Variants in PRKG1 observed in about 807,000 individuals in gnomAD.
PRKG1 encodes the protein cGMP-dependent protein kinase 1.
In PRKG1, 35 loss-of-function variants were observed where a neutral mutation model predicts 88.1. The observed-to-expected ratio is 0.40, with a 90% CI of 0.30 to 0.53. PRKG1 has a LOEUF of 0.53. Among genes scored for constraint, PRKG1 ranks in the 20% least tolerant of loss-of-function variants. The probability of loss-of-function intolerance (pLI) is 0.59; values close to 1 mark genes in which losing one functional copy is unlikely to be tolerated. For missense variants in PRKG1, 540 were observed against 839.8 expected, an observed-to-expected ratio of 0.64 and a Z score of 4.41; for synonymous variants, 303 against 292.5, an observed-to-expected ratio of 1.04 and a Z score of -0.37.
At position 51,945,781 on chromosome 10, in the gene PRKG1, G is replaced by T. The variant is rs1307504998; in HGVS notation, c.762+38211G>T. Among the ~76,000 whole-genome samples, 164 of 151,492 alleles carry T rather than the reference G, an allele frequency of 1.1e-3. 1 individual carries two copies. The highest frequency in any genetic ancestry group is 3.9e-3 in the African/African-American group (161 of 41,008). On this transcript the variant is annotated intron_variant, in intron 5 of 17. Coordinates refer to ENST00000373980, the MANE Select transcript of PRKG1 (RefSeq NM_006258.4). ...TTTTCTTTAAGAATGTTGAATATTG[G>T]CCCCCACTCTCTTCTGGCTTGTAGA...
intron 1 of PRKG1, among the ~76,000 whole-genome samples, chr10:51,112,492 C>T (rs1284256441): frequency 2.0e-5 from 3 of 152,068 alleles, no homozygotes; most frequent in African/African-American, 7.2e-5. Flanking sequence ...TTATCATCCT[C>T]ATGAATTTCT....
intron 9 of PRKG1, among the ~76,000 whole-genome samples, chr10:52,175,121 C>A (rs1377577849): frequency 3.3e-5 from 5 of 152,052 alleles, no homozygotes; most frequent in Non-Finnish European, 7.4e-5. Flanking sequence ...TTTAACAACT[C>A]TCCTTGTCCG....
intron 7 of PRKG1, among the ~76,000 whole-genome samples, chr10:52,095,461 ACCTCCTAACTGTGC>A (rs1381247849): frequency 6.6e-6 from 1 of 151,876 alleles, no homozygotes; most frequent in Admixed American, 6.6e-5. Flanking sequence ...GTTCATTTTC[ACCTCCTAACTGTGC>A]CCTCCCTGAA....
chr10:52,082,817 A>G (rs1846813167), intron 7 of PRKG1, among the ~76,000 whole-genome samples: 1 of 152,164 alleles, frequency 6.6e-6, no homozygotes, highest in South Asian at 2.1e-4. Context: ...GTAGGAACAT[A>G]TAGTATATTT....
chr10:51,746,408 C>G (rs1362473857), intron 3 of PRKG1, among the ~76,000 whole-genome samples: 1 of 152,072 alleles, frequency 6.6e-6, no homozygotes, highest in Non-Finnish European at 1.5e-5. Context: ...CTCAAGCTCT[C>G]CCTATACTCC....
intron 9 of PRKG1, among the ~76,000 whole-genome samples, chr10:52,226,828 G>T (rs1450865152): frequency 1.3e-5 from 2 of 152,072 alleles, no homozygotes; most frequent in Admixed American, 1.3e-4. Flanking sequence ...TGTGAATAGG[G>T]TCAACATGTC....
At chr10:51,846,569 C>A (rs936146020) in intron 4 of PRKG1, among the ~76,000 whole-genome samples, 5 of 152,244 alleles carry the variant, frequency 3.3e-5, no homozygotes, top group African/African-American at 9.6e-5. Flanking sequence ...CCTTTTTCTG[C>A]CACTATATTA....
chr10:51,123,874 A>C (rs1185792951), intron 1 of PRKG1, among the ~76,000 whole-genome samples: 1 of 152,036 alleles, frequency 6.6e-6, no homozygotes, highest in Non-Finnish European at 1.5e-5. Context: ...CACGTGGTGA[A>C]AGCAGGCGCG....
intron 9 of PRKG1, among the ~76,000 whole-genome samples, chr10:52,174,465 C>A (rs1488031191): frequency 6.6e-6 from 1 of 151,456 alleles, no homozygotes; most frequent in Non-Finnish European, 1.5e-5. Flanking sequence ...ACTTTATATG[C>A]CAATGAATAG....
intron 2 of PRKG1, among the ~76,000 whole-genome samples, chr10:51,215,396 C>G (rs1838345274): frequency 6.6e-6 from 1 of 152,046 alleles, no homozygotes; most frequent in African/African-American, 2.4e-5. Context: ...TTGTTAGAAA[C>G]AAAAAGGAAA....
intron 3 of PRKG1, among the ~76,000 whole-genome samples, chr10:51,662,150 A>T (rs1009243936): frequency 6.6e-6 from 1 of 152,156 alleles, no homozygotes; most frequent in Non-Finnish European, 1.5e-5. Context: ...TGGGTGCAGC[A>T]GAACAACATG....
intron 2 of PRKG1, among the ~76,000 whole-genome samples, chr10:51,415,224 T>G (rs1838204627): frequency 6.6e-6 from 1 of 152,224 alleles, no homozygotes; most frequent in African/African-American, 2.4e-5. Flanking sequence ...GCCAGGTCAA[T>G]GCTGAGAACT....
intron 3 of PRKG1, among the ~76,000 whole-genome samples, chr10:51,483,986 A>G (rs1225266794): frequency 6.6e-6 from 1 of 152,180 alleles, no homozygotes; most frequent in African/African-American, 2.4e-5. Flanking sequence ...GTGAAAGTGG[A>G]GGAGGAGTAG....
intron 3 of PRKG1, among the ~76,000 whole-genome samples, chr10:51,492,381 C>G (rs1036278234): frequency 6.6e-6 from 1 of 151,678 alleles, no homozygotes; most frequent in Admixed American, 6.6e-5. Flanking sequence ...TTTTAAAAGC[C>G]AAGGCTATTT....
At chr10:51,538,023 G>A (rs1842200392) in intron 3 of PRKG1, among the ~76,000 whole-genome samples, 1 of 152,102 alleles carries the variant, frequency 6.6e-6, no homozygotes. Flanking sequence ...CTCAATATCA[G>A]ACAGGTTAAA....
chr10:51,761,196 G>T (rs1344828765), intron 3 of PRKG1, among the ~76,000 whole-genome samples: 1 of 152,204 alleles, frequency 6.6e-6, no homozygotes, highest in Non-Finnish European at 1.5e-5. Context: ...ATGTTCCAGT[G>T]ATAATGATGA....
Position 52,068,000 on chromosome 10 carries a change from C to T in PRKG1, c.935+5369C>T, listed in dbSNP as rs1176016303. Among the ~76,000 whole-genome samples the T allele has an allele frequency of 7.4e-5, 8 of 107,412 alleles. 1 individual carries two copies. Among genetic ancestry groups the T allele is most frequent in the Admixed American group, 3.0e-4 (3 of 10,036 alleles). 70.5% of individuals were successfully genotyped at this position (107,412 alleles called of 152,430 possible). A position where few individuals can be genotyped will look rare whatever the true frequency, so the allele number is the denominator to read the frequency against. Reference sequence around the variant, plus strand: ...CGGGCGGATCACGAGGTCAGGAGATCGAGACCATCCTGGCTAACACGGTGA... The same window carrying T: ...CGGGCGGATCACGAGGTCAGGAGATTGAGACCATCCTGGCTAACACGGTGA... On this transcript the variant is annotated intron_variant, in intron 7 of 17. Transcript: ENST00000373980.
At chr10:52,001,937 T>C (rs1283011160) in intron 5 of PRKG1, among the ~76,000 whole-genome samples, 1 of 152,060 alleles carries the variant, frequency 6.6e-6, no homozygotes. Context: ...AAGTTGGGGC[T>C]GATTCTCTTC....
intron 1 of PRKG1, among the ~76,000 whole-genome samples, chr10:50,994,105 A>G (rs1225801041): frequency 1.3e-5 from 2 of 152,134 alleles, no homozygotes; most frequent in Non-Finnish European, 2.9e-5. Context: ...ATACTTTCAA[A>G]TAGAAGTGTG....
Sources: gnomAD v4.1 joint callset for allele counts (sites outside exome capture counted in the v4.1 genomes callset) on GRCh38, gnomAD v4.1.1 for gene constraint, MANE v1.5 for transcripts, NCBI Gene and HGNC (gene_info 2026-07-23, HGNC 2026-07-21) for gene names.